The following PTPRT variants were observed in gnomAD, a reference collection of about 807,000 sequenced individuals.
PTPRT encodes receptor-type tyrosine-protein phosphatase T.
A neutral mutation model predicts 176.8 loss-of-function variants in PTPRT; 56 were observed. The observed-to-expected ratio is 0.32, with a 90% CI of 0.26 to 0.40. PTPRT has a LOEUF of 0.40. Among genes scored for constraint, PTPRT ranks in the 10% least tolerant of loss-of-function variants. The pLI, the probability that PTPRT is intolerant of heterozygous loss-of-function variation, is 1.00. For synonymous variants in PTPRT, 783 were observed against 739.0 expected (o/e 1.06, Z -0.96); for missense variants, 1,540 against 1,908.2 (o/e 0.81, Z 3.60).
chr20:43,036,796 T>C (rs1184288506), intron 1 of PTPRT, among the ~76,000 whole-genome samples: 1 of 152,228 alleles, frequency 6.6e-6, no homozygotes, highest in Non-Finnish European at 1.5e-5. Context: ...CAGTTAAAGC[T>C]GTATTCAAAC....
At chr20:42,300,358 A>G (rs750892964) in intron 12 of PTPRT, among the ~76,000 whole-genome samples, 11 of 152,078 alleles carry the variant, frequency 7.2e-5, no homozygotes, top group Non-Finnish European at 1.3e-4. Flanking sequence ...CTCACTAACA[A>G]TGATTCCCAC....
At chr20:42,759,529 T>C (rs551531978) in intron 5 of PTPRT, among the ~76,000 whole-genome samples, 1 of 152,006 alleles carries the variant, frequency 6.6e-6, no homozygotes, top group East Asian at 1.9e-4. Flanking sequence ...GAGATACAAA[T>C]GTTAGGATGT....
At chr20:42,136,149 T>A (rs1393568826) in intron 18 of PTPRT, among the ~76,000 whole-genome samples, 2 of 147,218 alleles carry the variant, frequency 1.4e-5, no homozygotes, top group Admixed American at 6.9e-5. Flanking sequence ...TTCAAAGAGG[T>A]GGGGCTGGGG....
intron 1 of PTPRT, among the ~76,000 whole-genome samples, chr20:43,020,222 G>T (rs1985604396): frequency 1.1e-5 from 1 of 91,388 alleles, no homozygotes; most frequent in South Asian, 5.2e-4. Flanking sequence ...ATTTAATTAT[G>T]TAATATATAT....
chr20:43,135,469 T>C (rs2013801293), intron 1 of PTPRT, among the ~76,000 whole-genome samples: 1 of 152,062 alleles, frequency 6.6e-6, no homozygotes, highest in Non-Finnish European at 1.5e-5. Flanking sequence ...GAGAGATGAG[T>C]CAAAATATTC....
At position 42,638,085 on chromosome 20, in the gene PTPRT, G is replaced by A. The variant is rs1269244039; in HGVS notation, c.1153+39781C>T. On this transcript the variant is annotated intron_variant, in intron 7 of 30. Transcript: ENST00000373187. ...TCACAGTAGGAATATTTACACCCAG[G>A]AAATTGGCAAACATTACAATTCAAG... Among the ~76,000 whole-genome samples, 4 of 152,156 alleles carry A rather than the reference G, an allele frequency of 2.6e-5. No homozygotes were observed. The East Asian group carries it at 5.8e-4, about 22-fold the overall frequency.
chr20:42,662,833 C>CTA (rs1555895343), intron 7 of PTPRT, among the ~76,000 whole-genome samples: 2 of 152,014 alleles, frequency 1.3e-5, no homozygotes, highest in African/African-American at 4.8e-5. Context: ...GATTCACTAA[C>CTA]TAATAAAAAT....
intron 16 of PTPRT, among the ~76,000 whole-genome samples, chr20:42,166,445 T>C (rs553731960): frequency 6.6e-6 from 1 of 151,284 alleles, no homozygotes; most frequent in South Asian, 2.1e-4. Flanking sequence ...AGGTGGCCAG[T>C]GGCTACTGTA....
chr20:43,115,949 C>T (rs16987782), intron 1 of PTPRT, among the ~76,000 whole-genome samples: 2,844 of 152,286 alleles, frequency 0.019, 73 homozygotes, highest in African/African-American at 0.064. Flanking sequence ...AAATAAACCT[C>T]GCAAGCCACT....
At chr20:42,347,687 G>A (rs910860611) in intron 11 of PTPRT, among the ~76,000 whole-genome samples, 1 of 152,092 alleles carries the variant, frequency 6.6e-6, no homozygotes, top group African/African-American at 2.4e-5. Context: ...CCCACATCAC[G>A]ACATTGCAAA....
intron 1 of PTPRT, among the ~76,000 whole-genome samples, chr20:42,986,720 T>A (rs913199233): frequency 6.6e-6 from 1 of 152,192 alleles, no homozygotes; most frequent in African/African-American, 2.4e-5. Context: ...TTGAGGCTCA[T>A]GAAACTCCTA....
chr20:42,591,422 A>T (rs892385520), intron 7 of PTPRT, among the ~76,000 whole-genome samples: 1 of 152,186 alleles, frequency 6.6e-6, no homozygotes, highest in African/African-American at 2.4e-5. Context: ...AACAGAGTAG[A>T]TGTTTAATAA....
At chr20:43,030,626 A>T (rs187698779) in intron 1 of PTPRT, among the ~76,000 whole-genome samples, 107 of 152,342 alleles carry the variant, frequency 7.0e-4, no homozygotes, top group Admixed American at 5.9e-4. Context: ...TTCCACTGGA[A>T]TCAGGTTGAG....
intron 9 of PTPRT, among the ~76,000 whole-genome samples, chr20:42,425,358 G>A (rs554427745): frequency 2.6e-5 from 4 of 152,258 alleles, no homozygotes; most frequent in African/African-American, 4.8e-5. Flanking sequence ...CATTCTACTC[G>A]GTGACTTATA....
At chr20:43,048,625 C>G (rs573079048) in intron 1 of PTPRT, among the ~76,000 whole-genome samples, 7 of 152,136 alleles carry the variant, frequency 4.6e-5, no homozygotes, top group Admixed American at 4.6e-4. Context: ...GAGAAATGAT[C>G]GCTGTTGGTG....
At chr20:42,761,654 A>C (rs1365319156) in intron 5 of PTPRT, among the ~76,000 whole-genome samples, 1 of 152,180 alleles carries the variant, frequency 6.6e-6, no homozygotes, top group South Asian at 2.1e-4. Context: ...GTCAAGCAAT[A>C]TGGCTTTTAG....
chr20:42,978,291 C>T lies in PTPRT; in HGVS notation c.89-92359G>A, dbSNP rs1026102968. On this transcript the variant is annotated intron_variant, in intron 1 of 30. Transcript: ENST00000373187. ...GAATGTGATCTTTCTCTTTATCTCT[C>T]TTTCTCAAAGTATCTTATTGTTCTG... Among the ~76,000 whole-genome samples, 5 of 152,202 alleles carry T rather than the reference C, an allele frequency of 3.3e-5. No individual in the cohort carries two copies. The East Asian group carries it at 9.6e-4, about 29-fold the overall frequency.
chr20:42,507,882 C>T (rs1177102554), intron 7 of PTPRT, among the ~76,000 whole-genome samples: 6 of 150,024 alleles, frequency 4.0e-5, no homozygotes, highest in African/African-American at 1.5e-4. Context: ...CACAAAATAA[C>T]CTTCTAGAAA....
intron 15 of PTPRT, among the ~76,000 whole-genome samples, chr20:42,226,740 G>T (rs933085148): frequency 1.3e-5 from 2 of 152,134 alleles, no homozygotes; most frequent in Non-Finnish European, 2.9e-5. Flanking sequence ...AGTGGGCACT[G>T]TGGCTGGGCA....
Sources: gnomAD v4.1 joint callset for allele counts (sites outside exome capture counted in the v4.1 genomes callset) on GRCh38, gnomAD v4.1.1 for gene constraint, MANE v1.5 for transcripts, NCBI Gene and HGNC (gene_info 2026-07-23, HGNC 2026-07-21) for gene names.